Variants in LARGE1 observed in about 807,000 individuals in gnomAD.
LARGE1 encodes the protein LARGE xylosyl- and glucuronyltransferase 1, also known as xylosyl- and glucuronyltransferase LARGE1.
A neutral mutation model predicts 87.6 loss-of-function variants in LARGE1; 43 were observed. The ratio of observed to expected loss-of-function variants is 0.49; its 90% confidence interval spans 0.38 to 0.63. LARGE1 has a LOEUF of 0.63. Ranked by LOEUF, LARGE1 falls within the 30% of genes least tolerant of loss-of-function variation. The pLI is 0.00. For missense variants in LARGE1, 802 were observed against 1,000.2 expected, an observed-to-expected ratio of 0.80 and a Z score of 2.67; for synonymous variants, 434 against 394.6, an observed-to-expected ratio of 1.10 and a Z score of -1.18.
chr22:33,651,891 C>T (rs1342531426), intron 2 of LARGE1, among the ~76,000 whole-genome samples: 3 of 152,140 alleles, frequency 2.0e-5, no homozygotes, highest in Non-Finnish European at 4.4e-5. Context: ...AACTGAGGCA[C>T]GGCCGCGTGT....
At chr22:33,249,446 T>C (rs1926916267) in intron 11 of LARGE1, among the ~76,000 whole-genome samples, 1 of 152,224 alleles carries the variant, frequency 6.6e-6, no homozygotes, top group African/African-American at 2.4e-5. Flanking sequence ...AGCCGTTCCT[T>C]ATCAGATGTG....
intron 1 of LARGE1, among the ~76,000 whole-genome samples, chr22:33,909,697 C>T (rs1307226969): frequency 6.6e-6 from 1 of 152,056 alleles, no homozygotes; most frequent in Non-Finnish European, 1.5e-5. Context: ...CGCCACCACG[C>T]CCAGCTAATT....
exon 12 of LARGE1, chr22:33,163,962 T>A (rs1342095421): frequency 6.6e-6 from 1 of 152,230 alleles, no homozygotes; most frequent in Non-Finnish European, 1.5e-5. Flanking sequence ...TTGAGTGTCC[T>A]TGAGAAAACC....
intron 1 of LARGE1, among the ~76,000 whole-genome samples, chr22:33,774,030 G>C (rs1042826927): frequency 7.5e-6 from 1 of 132,470 alleles, no homozygotes; most frequent in Non-Finnish European, 1.5e-5. Context: ...GGAAAAGGAA[G>C]AACTATTGAA....
intron 1 of LARGE1, among the ~76,000 whole-genome samples, chr22:33,912,000 C>T (rs141890331): frequency 1.3e-5 from 2 of 152,290 alleles, no homozygotes; most frequent in East Asian, 3.9e-4. Flanking sequence ...TCAGTGTGGA[C>T]ACAACTACTT....
At chr22:33,087,834 C>G in the LARGE1 span, among the ~76,000 whole-genome samples, 1 of 152,140 alleles carries the variant, frequency 6.6e-6, no homozygotes, top group African/African-American at 2.4e-5. Context: ...ACTCGGGAGG[C>G]TGAGGCAGGA....
At chr22:33,157,781 TA>T (rs1274138286), downstream of LARGE1, among the ~76,000 whole-genome samples, 4 of 152,252 alleles carry the variant, frequency 2.6e-5, 1 homozygote, top group East Asian at 7.7e-4. Flanking sequence ...AGCAATCAGA[TA>T]AAAATAATAC....
intron 5 of LARGE1, among the ~76,000 whole-genome samples, chr22:33,586,456 C>CTT (rs130421): frequency 3.6e-5 from 5 of 140,230 alleles, no homozygotes; most frequent in African/African-American, 5.3e-5. Flanking sequence ...AACAAGATTT[C>CTT]TTTTTTTTTT....
chr22:33,159,670 C>T (rs527440812), downstream of LARGE1, among the ~76,000 whole-genome samples: 103 of 151,406 alleles, frequency 6.8e-4, no homozygotes, highest in Middle Eastern at 3.4e-3. Flanking sequence ...CTGCAAGCTC[C>T]GCCTCCCGGG....
intron 1 of LARGE1, among the ~76,000 whole-genome samples, chr22:33,903,851 C>A (rs560063316): frequency 1.3e-5 from 2 of 152,170 alleles, no homozygotes; most frequent in East Asian, 3.9e-4. Flanking sequence ...CAAAAAAAGT[C>A]TTGAAATGAC....
At chr22:33,505,564 G>T (rs1306731683) in intron 6 of LARGE1, among the ~76,000 whole-genome samples, 1 of 152,116 alleles carries the variant, frequency 6.6e-6, no homozygotes, top group African/African-American at 2.4e-5. Flanking sequence ...CATGGTGAGG[G>T]GTAAAACCCA....
chr22:33,283,431 T>C, intron 12 of LARGE1, 83 bp from the exon 13 acceptor site: 1 of 1,493,538 alleles, frequency 6.7e-7, no homozygotes, highest in Non-Finnish European at 9.3e-7. Context: ...GGGTGGTCAT[T>C]GGCCCGGGGA....
chr22:33,772,628 T>C (rs1233741250), intron 1 of LARGE1, among the ~76,000 whole-genome samples: 2 of 152,164 alleles, frequency 1.3e-5, no homozygotes, highest in African/African-American at 4.8e-5. Context: ...GACAATCCTA[T>C]GCCTCAGTAG....
intron 3 of LARGE1, among the ~76,000 whole-genome samples, chr22:33,639,264 A>G (rs114507753): frequency 2.0e-5 from 3 of 151,980 alleles, no homozygotes; most frequent in African/African-American, 7.3e-5. Flanking sequence ...GTCAGCACCC[A>G]CTCTTCCAGC....
At chr22:33,783,702 C>T (rs2085506605) in intron 1 of LARGE1, among the ~76,000 whole-genome samples, 1 of 152,176 alleles carries the variant, frequency 6.6e-6, no homozygotes, top group African/African-American at 2.4e-5. Context: ...TCCATTGTGG[C>T]CTACTACATA....
intron 5 of LARGE1, among the ~76,000 whole-genome samples, chr22:33,595,552 T>C (rs531554393): frequency 6.6e-6 from 1 of 152,346 alleles, no homozygotes; most frequent in African/African-American, 2.4e-5. Context: ...TCAGAAGACA[T>C]GTTTTAAGGG....
chr22:33,565,398 C>A (rs1199097553), intron 5 of LARGE1, among the ~76,000 whole-genome samples: 1 of 152,160 alleles, frequency 6.6e-6, no homozygotes, highest in Non-Finnish European at 1.5e-5. Context: ...ACTTTTGCAA[C>A]CAGTATCAAA....
intron 2 of LARGE1, among the ~76,000 whole-genome samples, chr22:33,719,580 GCA>G (rs1266065588): frequency 6.6e-6 from 1 of 151,654 alleles, no homozygotes; most frequent in East Asian, 1.9e-4. Context: ...GAGTGTAGTG[GCA>G]CAGTCTCGGC....
At chr22:33,771,165 A>AT (rs945622971) in intron 1 of LARGE1, among the ~76,000 whole-genome samples, 3 of 140,792 alleles carry the variant, frequency 2.1e-5, no homozygotes, top group African/African-American at 2.6e-5. Context: ...ATCCAGGTCT[A>AT]TTTTTTTGCT....
Sources: allele counts gnomAD v4.1 joint callset (sites outside exome capture counted in the v4.1 genomes callset), GRCh38; gene constraint gnomAD v4.1.1; transcripts MANE v1.5; gene names NCBI Gene and HGNC (gene_info 2026-07-23, HGNC 2026-07-21).